ZNF407: variants seen among roughly 807,000 people sequenced by gnomAD.
The protein encoded by ZNF407 is zinc finger protein 407.
Under a neutral mutation model 131.2 loss-of-function variants are expected in ZNF407, and 17 were observed. The observed-to-expected ratio is 0.13, with a 90% CI of 0.09 to 0.19. ZNF407 has a LOEUF of 0.19. Ranked by LOEUF, ZNF407 falls within the 10% of genes least tolerant of loss-of-function variation. The probability of loss-of-function intolerance (pLI) is 1.00; values close to 1 mark genes in which losing one functional copy is unlikely to be tolerated. For synonymous variants in ZNF407, 1,156 were observed against 1,062.0 expected (o/e 1.09, Z -1.72); for missense variants, 2,681 against 2,830.6 (o/e 0.95, Z 1.20).
At chr18:74,830,756 C>A (rs1469827493) in intron 4 of ZNF407, among the ~76,000 whole-genome samples, 2 of 152,082 alleles carry the variant, frequency 1.3e-5, no homozygotes, top group Non-Finnish European at 2.9e-5. Flanking sequence ...TTTATCATTT[C>A]TTTGTGTTGG....
chr18:75,036,547 T>G (rs8095499), intron 8 of ZNF407, among the ~76,000 whole-genome samples: 2,922 of 152,356 alleles, frequency 0.019, 89 homozygotes, highest in African/African-American at 0.06. Context: ...CGATTACATT[T>G]GCGATTAAAT....
At position 74,633,003 on chromosome 18, in the gene ZNF407, C is replaced by A. The variant is rs1281660448; in HGVS notation, c.1984C>A (p.Pro662Thr). ...SNSDLVLQTL[P>T]LSTLESENAK... ...CAGTGATTTGGTTTTACAGACTTTACCTTTGAGTACTTTAGAATCAGAAAA... is the reference window on the plus strand; with the variant it reads ...CAGTGATTTGGTTTTACAGACTTTAACTTTGAGTACTTTAGAATCAGAAAA... Residue 662 changes from proline (P) to threonine (T), a missense_variant, in exon 2 of 9, where the codon CCT becomes ACT. By Grantham distance (38) the Pro-to-Thr change is conservative. Around this residue, in one of 6 missense-constraint regions of ZNF407, gnomAD observed 1,789 missense variants for 1,748.7 expected, o/e 1.02. Coordinates refer to ENST00000299687, the MANE Select transcript of ZNF407 (RefSeq NM_017757.3). 6.2e-7 allele frequency: 1 copy of A among 1,613,068 alleles called. No homozygotes were observed. Among genetic ancestry groups the A allele is most frequent in the Non-Finnish European group, 8.5e-7 (1 of 1,179,834 alleles).
At chr18:74,935,033 A>T (rs1972024450) in intron 8 of ZNF407, among the ~76,000 whole-genome samples, 1 of 152,178 alleles carries the variant, frequency 6.6e-6, no homozygotes, top group Non-Finnish European at 1.5e-5. Context: ...TACATTTTAT[A>T]TTAACATATG....
intron 8 of ZNF407, among the ~76,000 whole-genome samples, chr18:75,039,632 AT>A (rs1304589632): frequency 1.3e-5 from 2 of 150,148 alleles, no homozygotes; most frequent in African/African-American, 2.5e-5. Context: ...TTTGTTTTAA[AT>A]GTTTTTTTAA....
rs768880637 is a variant in ZNF407 at position 74,854,163 on chromosome 18, G to A, written c.4878-23034G>A. Among the ~76,000 whole-genome samples the A allele has an allele frequency of 1.1e-4, 16 of 152,318 alleles. No individual in the cohort carries two copies. The East Asian group carries it at 2.5e-3, about 24-fold the overall frequency. On this transcript the variant is annotated intron_variant, in intron 4 of 8. Coordinates refer to ENST00000299687, the MANE Select transcript of ZNF407 (RefSeq NM_017757.3). ...CCCCTGGGGACAGGTGATACGGGAG[G>A]CAGTGTTTTATGACTAAAAGAGTCC...
chr18:74,705,142 A>G (rs942448872), intron 3 of ZNF407, among the ~76,000 whole-genome samples: 1 of 93,090 alleles, frequency 1.1e-5, no homozygotes, highest in African/African-American at 3.8e-5. Flanking sequence ...TTGACTTGAG[A>G]AAAATACATT....
chr18:74,608,251 T>C (rs1384739570), intron 1 of ZNF407, among the ~76,000 whole-genome samples: 1 of 152,214 alleles, frequency 6.6e-6, no homozygotes, highest in African/African-American at 2.4e-5. Flanking sequence ...AATGGTTCCA[T>C]TGATATCCTT....
At chr18:74,905,762 A>G (rs1173533858) in intron 7 of ZNF407, 2 of 152,232 alleles carry the variant, frequency 1.3e-5, no homozygotes, top group East Asian at 1.9e-4. Context: ...ATCTAATGGA[A>G]ATTATCCCAT....
intron 4 of ZNF407, among the ~76,000 whole-genome samples, chr18:74,839,112 A>G (rs1326687571): frequency 6.6e-6 from 1 of 152,194 alleles, no homozygotes; most frequent in East Asian, 1.9e-4. Context: ...TTATACTTTC[A>G]TGTATCATGC....
At chr18:74,794,677 T>G (rs1385779281) in intron 4 of ZNF407, among the ~76,000 whole-genome samples, 1 of 152,154 alleles carries the variant, frequency 6.6e-6, no homozygotes, top group Non-Finnish European at 1.5e-5. Context: ...TTTTGGTAAT[T>G]AAAAAATGGT....
At chr18:75,006,964 A>G (rs1246796733) in intron 8 of ZNF407, among the ~76,000 whole-genome samples, 1 of 152,038 alleles carries the variant, frequency 6.6e-6, no homozygotes, top group Non-Finnish European at 1.5e-5. Flanking sequence ...TTTTGCCTAA[A>G]AGTCTATTCT....
chr18:74,690,129 T>C (rs1967185972), intron 3 of ZNF407, among the ~76,000 whole-genome samples: 1 of 152,216 alleles, frequency 6.6e-6, no homozygotes, highest in Non-Finnish European at 1.5e-5. Flanking sequence ...AGATTCATTA[T>C]GCTAAACTTA....
chr18:74,915,329 T>A (rs1287036637), intron 7 of ZNF407, among the ~76,000 whole-genome samples: 3 of 147,292 alleles, frequency 2.0e-5, no homozygotes, highest in African/African-American at 7.7e-5. Context: ...GGAGTGTGTG[T>A]GTGTGTGTGT....
chr18:74,891,922 A>G (rs1487605883), intron 7 of ZNF407, among the ~76,000 whole-genome samples: 1 of 151,958 alleles, frequency 6.6e-6, no homozygotes, highest in Non-Finnish European at 1.5e-5. Context: ...TATTTTTTAT[A>G]CTTAAAAAAT....
chr18:74,752,753 T>C, intron 3 of ZNF407, among the ~76,000 whole-genome samples: 1 of 152,234 alleles, frequency 6.6e-6, no homozygotes, highest in East Asian at 1.9e-4. Flanking sequence ...TTGGTACCAG[T>C]ACCATGCTGT....
chr18:74,796,425 T>C (rs545718188), intron 4 of ZNF407, among the ~76,000 whole-genome samples: 6 of 152,202 alleles, frequency 3.9e-5, no homozygotes, highest in Admixed American at 1.3e-4. Context: ...TGCACTTGTT[T>C]TAATATCTAT....
intron 7 of ZNF407, among the ~76,000 whole-genome samples, chr18:74,894,728 G>T (rs1024722861): frequency 6.6e-6 from 1 of 152,108 alleles, no homozygotes; most frequent in Admixed American, 6.5e-5. Flanking sequence ...ACTACCTGTA[G>T]TATAAAAATA....
At chr18:74,672,612 T>G (rs1986197240) in intron 3 of ZNF407, among the ~76,000 whole-genome samples, 1 of 144,150 alleles carries the variant, frequency 6.9e-6, no homozygotes, top group Admixed American at 6.7e-5. Flanking sequence ...GCACTGTTTT[T>G]CTGTTCATTG....
chr18:75,045,758 G>A (rs1973427836), intron 8 of ZNF407, among the ~76,000 whole-genome samples: 3 of 152,132 alleles, frequency 2.0e-5, no homozygotes, highest in Admixed American at 2.0e-4. Flanking sequence ...GAGTAACGCT[G>A]TAAGGTTTCG....
Sources: allele counts gnomAD v4.1 joint callset (sites outside exome capture counted in the v4.1 genomes callset), GRCh38; gene constraint gnomAD v4.1.1; regional missense constraint gnomAD v4.1.1; transcripts MANE v1.5; gene names NCBI Gene and HGNC (gene_info 2026-07-23, HGNC 2026-07-21).